VPS37A: variants seen among roughly 807,000 people sequenced by gnomAD.
The protein encoded by VPS37A is vacuolar protein sorting-associated protein 37A.
VPS37A carries 30 observed loss-of-function variants against 49.8 expected under a neutral mutation model. The ratio of observed to expected loss-of-function variants is 0.60; its 90% confidence interval spans 0.45 to 0.82. The LOEUF (loss-of-function observed/expected upper bound fraction) is 0.82, where lower values mean the gene tolerates loss of function less well. Among genes scored for constraint, VPS37A ranks in the 40% least tolerant of loss-of-function variants. The probability of loss-of-function intolerance (pLI) is 0.00; values close to 1 mark genes in which losing one functional copy is unlikely to be tolerated. For synonymous variants in VPS37A, 195 were observed against 160.6 expected (o/e 1.21, Z -1.62); for missense variants, 593 against 464.4 (o/e 1.28, Z -2.55).
rs561258962 is a variant in VPS37A at position 17,286,425 on chromosome 8, T to C, written c.1192T>C (p.Ter398GlnextTer6). 4.0e-5 allele frequency: 65 copies of C among 1,613,046 alleles called. No homozygotes were observed. In the East Asian group the frequency reaches 1.2e-3, roughly 30 times the overall value. The change falls in exon 11 of 12, where the codon TAG becomes CAG. Residue 398 changes from the stop codon to glutamine (Q), a stop_lost and splice_region_variant. Transcript: ENST00000324849. Reference protein sequence around the residue: ...AMHSQFHAPL* With the variant: ...AMHSQFHAPLQ ...GCACAGCCAATTTCATGCTCCACTA[T>C]AGGTAAATTGTATTTCAAGTTTGAG...
Position 17,280,044 on chromosome 8 carries a change from G to T in VPS37A, c.730G>T (p.Asp244Tyr). Residue 244 changes from aspartate (D) to tyrosine (Y), a missense_variant, in exon 7 of 12, where the codon GAT becomes TAT. Coordinates refer to ENST00000324849, the MANE Select transcript of VPS37A (RefSeq NM_152415.3). ...LSELSVSQLTDMNEQEEVLLE... is the reference protein window; with the variant it reads ...LSELSVSQLTYMNEQEEVLLE... The stretch of plus-strand genomic sequence containing the variant: ...TGTTTCTAGTGTGTCACAACTCACA[G>T]ATATGAATGAACAAGAGGAGGTATT... The T allele has an allele frequency of 6.2e-7, 1 of 1,611,472 alleles. No individual in the cohort carries two copies. The highest frequency in any genetic ancestry group is 8.5e-7 in the Non-Finnish European group (1 of 1,178,826).
chr8:17,276,453 A>G lies in VPS37A; in HGVS notation c.699A>G (p.Glu233=), dbSNP rs377606195. Residue 233 remains glutamate (E), a synonymous_variant, in exon 6 of 12, where the codon GAA becomes GAG. Transcript: ENST00000324849. ...KMPDVPDAFP[E]LSELSVSQLT... Reference sequence around the variant, plus strand: ...CAGATGTCCCTGATGCATTTCCAGAACTCTCAGAACTAAGGTAAACCTGGA... The same window carrying G: ...CAGATGTCCCTGATGCATTTCCAGAGCTCTCAGAACTAAGGTAAACCTGGA... The G allele has an allele frequency of 6.8e-6, 11 of 1,611,204 alleles. No homozygotes were observed. Among genetic ancestry groups the G allele is most frequent in the South Asian group, 1.1e-5 (1 of 90,444 alleles).
At chr8:17,324,006 C>T in the VPS37A span, among the ~76,000 whole-genome samples, 2 of 152,178 alleles carry the variant, frequency 1.3e-5, no homozygotes, top group Non-Finnish European at 2.9e-5. Context: ...CTACTATTCT[C>T]TCATTAAATA....
chr8:17,253,138 G>A (rs1238493922), intron 1 of VPS37A, among the ~76,000 whole-genome samples: 1 of 152,048 alleles, frequency 6.6e-6, no homozygotes, highest in East Asian at 1.9e-4. Flanking sequence ...GTTATGATAA[G>A]GCAGTCATTT....
chr8:17,330,777 A>T, the VPS37A span, among the ~76,000 whole-genome samples: 1 of 152,136 alleles, frequency 6.6e-6, no homozygotes, highest in Admixed American at 6.5e-5. Flanking sequence ...TCAGTTTTTG[A>T]GCCTGATCTC....
chr8:17,309,136 C>T, the VPS37A span: 4 of 621,170 alleles, frequency 6.4e-6, no homozygotes, highest in Non-Finnish European at 1.2e-5. Context: ...TATGATATGA[C>T]ATATACAACA....
intron 11 of VPS37A, 83 bp downstream of exon 11, chr8:17,286,510 T>G (rs1815604399): frequency 8.2e-7 from 1 of 1,216,560 alleles, no homozygotes; most frequent in Admixed American, 2.0e-5. Flanking sequence ...TGCCTGTTCA[T>G]CAGCCTTAAG....
chr8:17,306,941 A>G (rs1817492987), downstream of VPS37A, among the ~76,000 whole-genome samples: 1 of 152,200 alleles, frequency 6.6e-6, no homozygotes, highest in Non-Finnish European at 1.5e-5. Context: ...AAACCCTAGA[A>G]GAAAACCTAG....
chr8:17,294,250 T>C (rs1816410466), intron 11 of VPS37A, among the ~76,000 whole-genome samples: 1 of 152,166 alleles, frequency 6.6e-6, no homozygotes. Flanking sequence ...TTGTTTACAC[T>C]GTGAGGGGAA....
chr8:17,318,899 C>T, the VPS37A span, among the ~76,000 whole-genome samples: 25 of 151,858 alleles, frequency 1.6e-4, no homozygotes, highest in Admixed American at 3.3e-4. Context: ...GGCACCCAGC[C>T]CTACACCCTC....
At chr8:17,306,539 T>A (rs1056920536), downstream of VPS37A, among the ~76,000 whole-genome samples, 3 of 152,218 alleles carry the variant, frequency 2.0e-5, no homozygotes, top group Non-Finnish European at 2.9e-5. Context: ...CAAGAGCACA[T>A]CAGACTCGTC....
intron 2 of VPS37A, among the ~76,000 whole-genome samples, 157 bp from the exon 3 acceptor site, chr8:17,268,101 T>C (rs965589847): frequency 7.9e-5 from 12 of 152,212 alleles, no homozygotes; most frequent in African/African-American, 2.9e-4. Flanking sequence ...TAAACATATT[T>C]TCAGACAACA....
chr8:17,270,507 G>C (rs1420679287), intron 4 of VPS37A, among the ~76,000 whole-genome samples: 1 of 152,148 alleles, frequency 6.6e-6, no homozygotes, highest in Non-Finnish European at 1.5e-5. Flanking sequence ...TCCCAAGAGA[G>C]AGAGCATTCC....
the VPS37A span, among the ~76,000 whole-genome samples, chr8:17,325,275 C>G: frequency 6.6e-6 from 1 of 152,124 alleles, no homozygotes; most frequent in Non-Finnish European, 1.5e-5. Flanking sequence ...ACCGTCATAC[C>G]CACCACGATG....
chr8:17,278,835 G>T lies in VPS37A; in HGVS notation c.714-1193G>T, dbSNP rs577396016. On this transcript the variant is annotated intron_variant, in intron 6 of 11. Coordinates refer to ENST00000324849, the MANE Select transcript of VPS37A (RefSeq NM_152415.3). ...TACAGGTTTATTTATTTTCAAAGCA[G>T]TCCATTTTCCCTGAATTTTAAAGAC... 1.6e-3 allele frequency among the ~76,000 whole-genome samples: 244 copies of T among 152,050 alleles called. 1 individual carries two copies. Among genetic ancestry groups the T allele is most frequent in the African/African-American group, 5.4e-3 (226 of 41,478 alleles).
chr8:17,279,948 G>A (rs761186896), intron 6 of VPS37A, 80 bp from the exon 7 acceptor site: 3 of 1,584,238 alleles, frequency 1.9e-6, no homozygotes, highest in South Asian at 1.1e-5. Flanking sequence ...GTTAACTAAA[G>A]CTGAAAAATT....
intron 2 of VPS37A, 46 bp from the exon 3 acceptor site, chr8:17,268,212 C>T (rs767145688): frequency 1.5e-4 from 200 of 1,346,932 alleles, no homozygotes; most frequent in Non-Finnish European, 1.9e-4. Flanking sequence ...TATAATGTAC[C>T]TTTGTTATCT....
chr8:17,271,675 A>G (rs538560745), intron 4 of VPS37A, among the ~76,000 whole-genome samples: 4 of 131,120 alleles, frequency 3.1e-5, no homozygotes, highest in Admixed American at 7.2e-5. Context: ...AGCAACACCC[A>G]CTAAGCTCCT....
At position 17,264,765 on chromosome 8, in the gene VPS37A, A is replaced by T. The variant is rs539108109; in HGVS notation, c.126-1142A>T. On this transcript the variant is annotated intron_variant, in intron 1 of 11. Coordinates refer to ENST00000324849, the MANE Select transcript of VPS37A (RefSeq NM_152415.3). Reference sequence around the variant, plus strand: ...TCATGCTTGAAGAAGTTTCATGTTCATTTCAATATTAAGCTTCCTCTGCAA... The same window carrying T: ...TCATGCTTGAAGAAGTTTCATGTTCTTTTCAATATTAAGCTTCCTCTGCAA... 7.9e-5 allele frequency among the ~76,000 whole-genome samples: 12 copies of T among 152,276 alleles called. No homozygotes were observed. The South Asian group carries it at 2.5e-3, about 32-fold the overall frequency.
Sources: allele counts gnomAD v4.1 joint callset (sites outside exome capture counted in the v4.1 genomes callset), GRCh38; gene constraint gnomAD v4.1.1; transcripts MANE v1.5; gene names NCBI Gene and HGNC (gene_info 2026-07-23, HGNC 2026-07-21).